Variants in SBNO1 observed in about 807,000 individuals in gnomAD.
SBNO1 encodes the protein strawberry notch homolog 1.
In SBNO1, 23 loss-of-function variants were observed where a neutral mutation model predicts 173.6. That is an observed-to-expected ratio of 0.13 (90% CI 0.10 to 0.19). The LOEUF (loss-of-function observed/expected upper bound fraction) is 0.19, where lower values mean the gene tolerates loss of function less well. SBNO1 is among the 10% of genes least tolerant of loss of function. The pLI is 1.00. For missense variants in SBNO1, 1,238 were observed against 1,671.2 expected, an observed-to-expected ratio of 0.74 and a Z score of 4.52; for synonymous variants, 632 against 571.5, an observed-to-expected ratio of 1.11 and a Z score of -1.51.
In SBNO1 at chr12:123,350,329, G is replaced by A; in HGVS notation, c.113C>T (p.Pro38Leu). The A allele has an allele frequency of 1.2e-6, 2 of 1,614,064 alleles. No homozygotes were observed. The highest frequency in any genetic ancestry group is 1.7e-6 in the Non-Finnish European group (2 of 1,179,960). ...GGDAGLATPM[P>L]TPSVQQSVPL... ...TCTTACCTGCTGAACTGACGGGGTAGGCATTGGAGTTGCAAGCCCTGCATC... is the reference window on the plus strand; with the variant it reads ...TCTTACCTGCTGAACTGACGGGGTAAGCATTGGAGTTGCAAGCCCTGCATC... Residue 38 changes from proline (P) to leucine (L), a missense_variant, in exon 2 of 32, where the codon CCT becomes CTT. Coordinates refer to ENST00000602398, the MANE Select transcript of SBNO1 (RefSeq NM_001167856.3).
intron 1 of SBNO1, among the ~76,000 whole-genome samples, chr12:123,354,540 T>G (rs1304408475): frequency 1.3e-5 from 2 of 152,156 alleles, no homozygotes; most frequent in African/African-American, 2.4e-5. Context: ...TCTAACTCCA[T>G]TAGGCAAAAC....
At position 123,317,349 on chromosome 12, in the gene SBNO1, G is replaced by C. The variant is rs1339214692; in HGVS notation, c.2807C>G (p.Ala936Gly). 1.2e-6 allele frequency: 2 copies of C among 1,613,984 alleles called. No homozygotes were observed. Among genetic ancestry groups the C allele is most frequent in the Non-Finnish European group, 8.5e-7 (1 of 1,179,920 alleles). ...CGAGCTGGCAGCTTCTGAGATGATA[G>C]CAATATTCTGTGTCAAATATAAGAA... ...QRFMDGDKNI[A>G]IISEAASSGI... is the part of the protein sequence containing the mutation. Residue 936 changes from alanine to glycine, a missense_variant, in exon 21 of 32, where the codon GCT becomes GGT. By Grantham distance (60) the Ala-to-Gly change is moderately conservative (BLOSUM62 0). Coordinates refer to ENST00000602398, the MANE Select transcript of SBNO1 (RefSeq NM_001167856.3).
Position 123,354,819 on chromosome 12 carries a change from G to C in SBNO1, c.1-4378C>G, listed in dbSNP as rs192493820. ...GATGACATTTACCATGGAGCAGTCTGACAAACCCAAGTTACTAACCACGGA... is the reference window on the plus strand; with the variant it reads ...GATGACATTTACCATGGAGCAGTCTCACAAACCCAAGTTACTAACCACGGA... On this transcript the variant is annotated intron_variant, in intron 1 of 31. Transcript: ENST00000602398. Among the ~76,000 whole-genome samples the C allele has an allele frequency of 3.5e-3, 537 of 152,248 alleles. 4 individuals are homozygous for C. Among genetic ancestry groups the C allele is most frequent in the African/African-American group, 0.012 (496 of 41,536 alleles).
intron 1 of SBNO1, chr12:123,364,183 T>G (rs1875794741): frequency 1.0e-6 from 1 of 985,420 alleles, no homozygotes; most frequent in South Asian, 4.7e-5. Context: ...GAGACCGCGC[T>G]GTGGGGTTCA....
At chr12:123,331,497 C>T in intron 7 of SBNO1, 122 bp from the exon 8 acceptor site, 1 of 880,646 alleles carries the variant, frequency 1.1e-6, no homozygotes, top group Non-Finnish European at 1.7e-6. Flanking sequence ...TATTTTGTGA[C>T]TTTATTTTTA....
rs549598632 is a variant in SBNO1, at chr12:123,330,104, AAAAG to A, written c.1134+311_1134+314del. 1.9e-4 allele frequency among the ~76,000 whole-genome samples: 29 copies of A among 152,350 alleles called. No individual in the cohort carries two copies. In the East Asian group the frequency reaches 5.0e-3, roughly 26 times the overall value. On this transcript the variant is annotated intron_variant, in intron 9 of 31. Coordinates refer to ENST00000602398, the MANE Select transcript of SBNO1 (RefSeq NM_001167856.3). The stretch of plus-strand genomic sequence containing the variant: ...TGCACCCTTATGGCATATAAACTAT[AAAAG>A]AAAGATAAAAATAACACTGAAAATT...
At chr12:123,353,470 G>T (rs922974101) in intron 1 of SBNO1, among the ~76,000 whole-genome samples, 1 of 152,092 alleles carries the variant, frequency 6.6e-6, no homozygotes, top group Non-Finnish European at 1.5e-5. Context: ...GCCAGATTGA[G>T]ATTAAAATTG....
intron 20 of SBNO1, among the ~76,000 whole-genome samples, chr12:123,319,503 G>A (rs1053878448): frequency 6.6e-6 from 1 of 152,024 alleles, no homozygotes; most frequent in Non-Finnish European, 1.5e-5. Flanking sequence ...CATAGCCCAG[G>A]GTTAAGCTAT....
chr12:123,320,409 C>T (rs1472462440), intron 19 of SBNO1, 23 bp downstream of exon 19: 1 of 1,591,570 alleles, frequency 6.3e-7, no homozygotes, highest in African/African-American at 1.4e-5. Flanking sequence ...AAAAATGTCA[C>T]CAAGAGATAC....
At chr12:123,358,089 C>A (rs1874675133) in intron 1 of SBNO1, among the ~76,000 whole-genome samples, 1 of 152,198 alleles carries the variant, frequency 6.6e-6, no homozygotes, top group South Asian at 2.1e-4. Context: ...AATACCTGTA[C>A]ATACATAATG....
intron 5 of SBNO1, among the ~76,000 whole-genome samples, chr12:123,339,576 C>G (rs1206460886): frequency 6.6e-6 from 1 of 152,034 alleles, no homozygotes; most frequent in African/African-American, 2.4e-5. Context: ...CACTTGAGGT[C>G]AGGTATTCGA....
rs1246097417 is a variant in SBNO1 at position 123,290,421 on chromosome 12, G to A, written c.*5487C>T. ...AGTTATAAAGGAACATTTTCTTACA[G>A]GTGCAAAATTGTGAACAAATACCCA... On this transcript the variant is annotated 3_prime_UTR_variant, in exon 32 of 32. Transcript: ENST00000602398. The A allele has an allele frequency of 7.9e-5, 12 of 152,198 alleles. No homozygotes were observed. The highest frequency in any genetic ancestry group is 7.2e-4 in the Admixed American group (11 of 15,276). The allele number at this position is 152,198 out of a possible 1,614,324, so 9.4% of individuals were successfully genotyped here.
intron 3 of SBNO1, 140 bp from the exon 4 acceptor site, chr12:123,345,710 T>C (rs1008968390): frequency 2.7e-6 from 2 of 744,738 alleles, no homozygotes; most frequent in African/African-American, 1.8e-5. Flanking sequence ...AGCAGTCTCA[T>C]TCTGTCATGC....
intron 6 of SBNO1, among the ~76,000 whole-genome samples, chr12:123,334,455 C>T (rs898792403): frequency 6.6e-6 from 1 of 152,220 alleles, no homozygotes; most frequent in Non-Finnish European, 1.5e-5. Flanking sequence ...CGCCTGTAAT[C>T]CCAGCACTTT....
intron 7 of SBNO1, among the ~76,000 whole-genome samples, chr12:123,332,390 C>T (rs1486796625): frequency 6.6e-6 from 1 of 152,084 alleles, no homozygotes; most frequent in Non-Finnish European, 1.5e-5. Context: ...CTCCTGAGTT[C>T]AAGTGATTCT....
rs74824294 is a variant in SBNO1 at position 123,336,510 on chromosome 12, A to G, written c.652-19T>C. 5,198 of 1,534,646 alleles carry G rather than the reference A, an allele frequency of 3.4e-3. 154 individuals carry two copies. In the African/African-American group the frequency reaches 0.061, roughly 18 times the overall value. On this transcript the variant is annotated intron_variant, in intron 5 of 31. Transcript: ENST00000602398. The stretch of plus-strand genomic sequence containing the variant: ...GAACCTTCTGCAACACAGAAAGAGC[A>G]CAATCAATCCCAAATCCAGGGACCA...
intron 28 of SBNO1, among the ~76,000 whole-genome samples, chr12:123,307,188 T>C (rs2048940257): frequency 6.6e-6 from 1 of 151,326 alleles, no homozygotes; most frequent in Non-Finnish European, 1.5e-5. Flanking sequence ...GCGAGCGAGA[T>C]CCCATTACAA....
chr12:123,340,581 C>T (rs1263288739), intron 5 of SBNO1, among the ~76,000 whole-genome samples: 1 of 46,814 alleles, frequency 2.1e-5, no homozygotes, highest in African/African-American at 8.0e-5. Context: ...GACTCTGTCT[C>T]AAAAAAAAAA....
intron 8 of SBNO1, 147 bp from the exon 9 acceptor site, chr12:123,330,656 C>T: frequency 1.7e-6 from 1 of 590,980 alleles, no homozygotes; most frequent in Non-Finnish European, 2.9e-6. Context: ...CACCATCCCA[C>T]TGAGTGCAGT....
Sources: allele counts gnomAD v4.1 joint callset (sites outside exome capture counted in the v4.1 genomes callset), GRCh38; gene constraint gnomAD v4.1.1; transcripts MANE v1.5; gene names NCBI Gene and HGNC (gene_info 2026-07-23, HGNC 2026-07-21).